KLHL1: variants seen among roughly 807,000 people sequenced by gnomAD.
The protein encoded by KLHL1 is kelch-like protein 1.
A neutral mutation model predicts 77.7 loss-of-function variants in KLHL1; 47 were observed. That is an observed-to-expected ratio of 0.60 (90% CI 0.48 to 0.77). The LOEUF (loss-of-function observed/expected upper bound fraction) is 0.77, where lower values mean the gene tolerates loss of function less well. Among genes scored for constraint, KLHL1 ranks in the 30% least tolerant of loss-of-function variants. The probability of loss-of-function intolerance (pLI) is 0.00; values close to 1 mark genes in which losing one functional copy is unlikely to be tolerated. For missense variants in KLHL1, 925 were observed against 910.8 expected (o/e 1.02, Z -0.20); for synonymous variants, 360 against 325.2 (o/e 1.11, Z -1.15).
At chr13:69,850,974 C>T (rs1033299564) in intron 5 of KLHL1, among the ~76,000 whole-genome samples, 1 of 151,634 alleles carries the variant, frequency 6.6e-6, no homozygotes, top group Non-Finnish European at 1.5e-5. Context: ...TGAAGGTTAT[C>T]TTTATTTTAT....
Position 69,888,102 on chromosome 13 carries a change from G to A in KLHL1, c.1015-5607C>T, listed in dbSNP as rs371288682. Among the ~76,000 whole-genome samples the A allele has an allele frequency of 1.5e-4, 23 of 152,214 alleles. No individual in the cohort carries two copies. The East Asian group carries it at 3.7e-3, about 24-fold the overall frequency. On this transcript the variant is annotated intron_variant, in intron 4 of 10. Transcript: ENST00000377844. ...CCATCAGATTTGTTGTTTGGCGAGG[G>A]CTCCTTCCTTACAGACAGCATTTTC...
At chr13:69,932,724 C>A (rs9564632) in intron 4 of KLHL1, among the ~76,000 whole-genome samples, 60,557 of 151,310 alleles carry the variant, frequency 0.4, 12,850 homozygotes, top group Non-Finnish European at 0.48. Context: ...TGTGTTATAT[C>A]TTAATGTTTT....
chr13:69,797,067 A>AT (rs1038151815), intron 6 of KLHL1, 105 bp from the exon 7 acceptor site: 33 of 889,132 alleles, frequency 3.7e-5, no homozygotes, highest in South Asian at 1.5e-4. Context: ...TGTCATATTC[A>AT]TTTTTTTTAA....
chr13:70,032,949 T>C (rs1417197245), intron 1 of KLHL1, among the ~76,000 whole-genome samples: 1 of 152,176 alleles, frequency 6.6e-6, no homozygotes, highest in Non-Finnish European at 1.5e-5. Flanking sequence ...TTGCAGCTCT[T>C]AGTTTTTGAT....
intron 1 of KLHL1, among the ~76,000 whole-genome samples, chr13:70,101,453 A>T (rs978778752): frequency 6.6e-6 from 1 of 151,944 alleles, no homozygotes; most frequent in African/African-American, 2.4e-5. Context: ...TTTAAGACGA[A>T]GTCTCGCTCT....
chr13:69,834,971 T>C (rs1047996285), intron 6 of KLHL1, among the ~76,000 whole-genome samples: 1 of 152,122 alleles, frequency 6.6e-6, no homozygotes, highest in Non-Finnish European at 1.5e-5. Context: ...AAATTTAAGG[T>C]GGGATTATTT....
intron 3 of KLHL1, among the ~76,000 whole-genome samples, chr13:69,950,723 T>A (rs1883681786): frequency 6.6e-6 from 1 of 151,700 alleles, no homozygotes; most frequent in Non-Finnish European, 1.5e-5. Flanking sequence ...CATATACTCT[T>A]GAATTCGGCA....
At chr13:70,079,497 T>C (rs1887343220) in intron 1 of KLHL1, among the ~76,000 whole-genome samples, 1 of 152,212 alleles carries the variant, frequency 6.6e-6, no homozygotes, top group South Asian at 2.1e-4. Flanking sequence ...TTACTTATTT[T>C]GATAATATCC....
chr13:70,055,506 C>A (rs1886723963), intron 1 of KLHL1, among the ~76,000 whole-genome samples: 1 of 151,946 alleles, frequency 6.6e-6, no homozygotes, highest in African/African-American at 2.4e-5. Flanking sequence ...AGTAAATACA[C>A]AGACAAATAC....
At chr13:69,823,450 TA>T (rs1276301782) in intron 6 of KLHL1, among the ~76,000 whole-genome samples, 1 of 151,974 alleles carries the variant, frequency 6.6e-6, no homozygotes, top group Non-Finnish European at 1.5e-5. Flanking sequence ...AGCCAAAAAT[TA>T]AAAAATCATT....
intron 4 of KLHL1, among the ~76,000 whole-genome samples, chr13:69,929,559 A>G (rs1259981665): frequency 6.6e-6 from 1 of 151,864 alleles, no homozygotes; most frequent in African/African-American, 2.4e-5. Flanking sequence ...TTATGCCAAG[A>G]TTTTGAACAT....
chr13:69,995,032 T>C (rs1885116399), intron 1 of KLHL1, among the ~76,000 whole-genome samples: 1 of 152,122 alleles, frequency 6.6e-6, no homozygotes, highest in Non-Finnish European at 1.5e-5. Flanking sequence ...AGTGTCACTA[T>C]AGATCCCTGC....
rs1593916872 is a variant in KLHL1, at chr13:69,884,956, C to T, written c.1015-2461G>A. On this transcript the variant is annotated intron_variant, in intron 4 of 10. Transcript: ENST00000377844. ...TTTCTTTTTTTTTTTTTTTTTGAGA[C>T]GGAGTCTCGCTCTGTCGCCCAGGCC... 2.6e-4 allele frequency among the ~76,000 whole-genome samples: 19 copies of T among 71,784 alleles called. No homozygotes were observed. In the South Asian group the frequency reaches 5.7e-3, roughly 22 times the overall value. 47.1% of individuals were successfully genotyped at this position (71,784 alleles called of 152,430 possible). A position where few individuals can be genotyped will look rare whatever the true frequency, so the allele number is the denominator to read the frequency against.
intron 10 of KLHL1, among the ~76,000 whole-genome samples, chr13:69,703,579 C>A (rs1264852931): frequency 6.6e-6 from 1 of 151,434 alleles, no homozygotes; most frequent in Non-Finnish European, 1.5e-5. Context: ...AATGTCCAAG[C>A]CCCTCATTTT....
chr13:69,766,742 A>G lies in KLHL1; in HGVS notation c.1640-26186T>C, dbSNP rs1875324303. ...ACTGGAAAATGGATTAGATTCTCTT[A>G]ATGATATTTTTGGGTTGTCATAGTG... On this transcript the variant is annotated intron_variant, in intron 7 of 10. Transcript: ENST00000377844. Among the ~76,000 whole-genome samples, 4 of 152,174 alleles carry G rather than the reference A, an allele frequency of 2.6e-5. No homozygotes were observed. The South Asian group carries it at 8.3e-4, about 32-fold the overall frequency.
intron 1 of KLHL1, among the ~76,000 whole-genome samples, chr13:70,098,206 A>G (rs1249957269): frequency 6.7e-6 from 1 of 149,706 alleles, no homozygotes; most frequent in Non-Finnish European, 1.5e-5. Context: ...GATTATCTCA[A>G]TAAATATTCA....
At chr13:69,966,914 C>T (rs1031624304) in intron 2 of KLHL1, among the ~76,000 whole-genome samples, 6 of 152,086 alleles carry the variant, frequency 3.9e-5, no homozygotes, top group Non-Finnish European at 7.3e-5. Context: ...ACCTCTAAGT[C>T]CATCCATGTG....
At chr13:69,774,762 T>G (rs190157957) in intron 7 of KLHL1, among the ~76,000 whole-genome samples, 115 of 152,296 alleles carry the variant, frequency 7.6e-4, no homozygotes, top group African/African-American at 2.6e-3. Flanking sequence ...ATATTAACTT[T>G]GCAGAATCTG....
chr13:69,957,727 G>A (rs141854645), intron 3 of KLHL1, among the ~76,000 whole-genome samples: 1,554 of 151,570 alleles, frequency 0.01, 27 homozygotes, highest in African/African-American at 0.034. Flanking sequence ...ATTATAAAAC[G>A]GCACTACTTT....
Sources: allele counts gnomAD v4.1 joint callset (sites outside exome capture counted in the v4.1 genomes callset), GRCh38; gene constraint gnomAD v4.1.1; transcripts MANE v1.5; gene names NCBI Gene and HGNC (gene_info 2026-07-23, HGNC 2026-07-21).